CUZD1: variants seen among roughly 807,000 people sequenced by gnomAD.
CUZD1 encodes the protein CUB and zona pellucida-like domain-containing protein 1.
Under a neutral mutation model 53.1 loss-of-function variants are expected in CUZD1, and 42 were observed. The observed-to-expected ratio is 0.79, with a 90% CI of 0.62 to 1.02. The LOEUF (loss-of-function observed/expected upper bound fraction) is 1.02. Among genes scored for constraint, CUZD1 ranks in the 50% least tolerant of loss-of-function variants. The pLI, the probability that CUZD1 is intolerant of heterozygous loss-of-function variation, is 0.00. For synonymous variants in CUZD1, 238 were observed against 257.2 expected (o/e 0.93, Z 0.71); for missense variants, 670 against 715.7 (o/e 0.94, Z 0.73).
At position 122,832,379 on chromosome 10, in the gene CUZD1, T is replaced by G; in HGVS notation, c.1723A>C (p.Met575Leu). The G allele has an allele frequency of 6.2e-7, 1 of 1,614,102 alleles. No individual in the cohort carries two copies. Among genetic ancestry groups the G allele is most frequent in the Non-Finnish European group, 8.5e-7 (1 of 1,179,974 alleles). The change falls in exon 9 of 9, where the codon ATG becomes CTG. Residue 575 changes from methionine (M) to leucine (L), a missense_variant. Physicochemically the swap from Met to Leu is conservative, Grantham distance 15 (BLOSUM62 2). Coordinates refer to ENST00000392790, the MANE Select transcript of CUZD1 (RefSeq NM_022034.6). ...GTCACCACATTCAGAGCTAGAACCATGAAGGAAAACAGATGCACACTGTTG... is the reference window on the plus strand; with the variant it reads ...GTCACCACATTCAGAGCTAGAACCAGGAAGGAAAACAGATGCACACTGTTG... ...PFNSVHLFSF[M>L]VLALNVVTVA...
intron 4 of CUZD1, 79 bp from the exon 5 acceptor site, chr10:122,837,127 C>G: frequency 8.8e-7 from 1 of 1,138,800 alleles, no homozygotes; most frequent in Non-Finnish European, 1.2e-6. Flanking sequence ...CAATCCTACT[C>G]TTAAGTGATT....
intron 8 of CUZD1, 93 bp from the exon 9 acceptor site, chr10:122,832,543 A>C: frequency 2.0e-6 from 2 of 1,006,948 alleles, no homozygotes; most frequent in Non-Finnish European, 2.9e-6. Flanking sequence ...ATATCCTATG[A>C]ATCTTATATA....
At chr10:122,845,379 T>C (rs935218506) in intron 1 of CUZD1, among the ~76,000 whole-genome samples, 5 of 151,586 alleles carry the variant, frequency 3.3e-5, no homozygotes, top group South Asian at 2.1e-4. Flanking sequence ...CCAGCCATCA[T>C]TTTTTTTTAA....
At chr10:122,838,545 T>C (rs1383163313) in intron 3 of CUZD1, among the ~76,000 whole-genome samples, 1 of 152,158 alleles carries the variant, frequency 6.6e-6, no homozygotes, top group African/African-American at 2.4e-5. Context: ...GTCAGAATCA[T>C]CCGGGGGACT....
chr10:122,841,058 T>C (rs1847333414), intron 2 of CUZD1, 120 bp downstream of exon 2: 1 of 902,776 alleles, frequency 1.1e-6, no homozygotes. Flanking sequence ...ATCACGATGG[T>C]TGTCAGTGTC....
chr10:122,843,810 CATATATATATAT>C lies in CUZD1; in HGVS notation c.82+1940_82+1951del, dbSNP rs61634361. On this transcript the variant is annotated intron_variant, in intron 1 of 8. Transcript: ENST00000392790. ...CTTTCTTCATACATATATATACATA[CATATATATATAT>C]ATATATATATGTCCACACAGAAACT... Among the ~76,000 whole-genome samples the C allele has an allele frequency of 8.7e-5, 12 of 137,364 alleles. No individual in the cohort carries two copies. The South Asian group carries it at 2.8e-3, about 32-fold the overall frequency. The allele number at this position is 137,364 out of a possible 152,430, so 90.1% of individuals were successfully genotyped here.
intron 1 of CUZD1, among the ~76,000 whole-genome samples, chr10:122,845,146 A>C (rs1328142507): frequency 1.3e-5 from 2 of 149,986 alleles, no homozygotes; most frequent in African/African-American, 4.9e-5. Context: ...GCATGATCGC[A>C]GCTAACTGCA....
At position 122,841,204 on chromosome 10, in the gene CUZD1, G is replaced by C. The variant is rs1847339763; in HGVS notation, c.207C>G (p.Ser69Arg). 3.7e-6 allele frequency: 6 copies of C among 1,613,720 alleles called. No homozygotes were observed. The highest frequency in any genetic ancestry group is 5.1e-6 in the Non-Finnish European group (6 of 1,179,828). ...GGACATAGGAAAAGATAATTCTGAT[G>C]CTTTTGTTTTCTGGTCTTTCTATTG... ...TWTIERPENKSIRIIFSYVQL... is the reference protein window; with the variant it reads ...TWTIERPENKRIRIIFSYVQL... The change falls in exon 2 of 9, where the codon AGC (serine) becomes AGG (arginine). Residue 69 changes from serine (S) to arginine (R), a missense_variant. Transcript: ENST00000392790.
chr10:122,841,450 C>A, intron 1 of CUZD1, 122 bp from the exon 2 acceptor site: 1 of 931,100 alleles, frequency 1.1e-6, no homozygotes, highest in Non-Finnish European at 1.5e-6. Flanking sequence ...GTGGATGGTA[C>A]TTAGCTTTCT....
chr10:122,838,260 C>A (rs1847283582), intron 3 of CUZD1, among the ~76,000 whole-genome samples: 1 of 152,176 alleles, frequency 6.6e-6, no homozygotes, highest in Non-Finnish European at 1.5e-5. Flanking sequence ...GTGGGAAAAC[C>A]TTGACTGCTG....
In CUZD1 at chr10:122,839,045, G is replaced by A; in HGVS notation, c.420C>T (p.Val140=). The A allele has an allele frequency of 6.2e-7, 1 of 1,613,838 alleles. No homozygotes were observed. The highest frequency in any genetic ancestry group is 1.3e-5 in the African/African-American group (1 of 75,032). The change falls in exon 3 of 9, where the codon GTC becomes GTT. Residue 140 remains valine (V), a synonymous_variant. Transcript: ENST00000392790. ...DSARIQRTVF[V]FYYFFSPNIS... ...TGTTAGGAGAGAAGAAGTAGTAGAA[G>A]ACAAAGACAGTTCTTTGAATTCTTG...
intron 5 of CUZD1, 50 bp downstream of exon 5, chr10:122,836,781 T>C (rs1435040912): frequency 1.4e-6 from 2 of 1,425,858 alleles, no homozygotes; most frequent in East Asian, 2.3e-5. Flanking sequence ...TTTCTACATA[T>C]GCAATCTTCG....
At chr10:122,839,560 T>A in intron 2 of CUZD1, among the ~76,000 whole-genome samples, 1 of 152,226 alleles carries the variant, frequency 6.6e-6, no homozygotes, top group East Asian at 1.9e-4. Flanking sequence ...ATGAACCTTC[T>A]TATTTAGAAT....
chr10:122,841,304 AGACT>A lies in CUZD1; in HGVS notation c.103_106del (p.Ser35Ter), dbSNP rs1275446094. ...GGTCTCTGCCATATTGGCACCCCCT[AGACT>A]GACTGTGCAGCTTGCATTGCCTGTT... On this transcript the variant is annotated frameshift_variant, in exon 2 of 9. Coordinates refer to ENST00000392790, the MANE Select transcript of CUZD1 (RefSeq NM_022034.6). LOFTEE classifies it high-confidence loss of function. The A allele has an allele frequency of 6.2e-7, 1 of 1,611,488 alleles. No homozygotes were observed. The highest frequency in any genetic ancestry group is 1.3e-5 in the African/African-American group (1 of 74,774).
intron 1 of CUZD1, among the ~76,000 whole-genome samples, chr10:122,843,915 A>C (rs1490685841): frequency 1.4e-5 from 2 of 146,000 alleles, no homozygotes; most frequent in Non-Finnish European, 3.0e-5. Context: ...AGATATATTT[A>C]TATATATATA....
chr10:122,838,925 C>G, intron 3 of CUZD1, 92 bp downstream of exon 3: 1 of 951,742 alleles, frequency 1.1e-6, no homozygotes, highest in African/African-American at 1.6e-5. Context: ...AGGGAATATA[C>G]TCAGACTGAA....
In CUZD1 at chr10:122,843,810, C is replaced by CATATATATATATAT. The variant is rs61634361; in HGVS notation, c.82+1938_82+1951dup. On this transcript the variant is annotated intron_variant, in intron 1 of 8. Coordinates refer to ENST00000392790, the MANE Select transcript of CUZD1 (RefSeq NM_022034.6). ...CTTTCTTCATACATATATATACATA[C>CATATATATATATAT]ATATATATATATATATATATATGTC... Among the ~76,000 whole-genome samples the CATATATATATATAT allele has an allele frequency of 5.0e-3, 690 of 137,290 alleles. 8 individuals carry two copies. The highest frequency in any genetic ancestry group is 0.018 in the African/African-American group (653 of 36,198). 90.1% of individuals were successfully genotyped at this position (137,290 alleles called of 152,430 possible). A position where few individuals can be genotyped will look rare whatever the true frequency, so the allele number is the denominator to read the frequency against.
intron 3 of CUZD1, 86 bp from the exon 4 acceptor site, chr10:122,837,640 T>C: frequency 7.9e-7 from 1 of 1,260,700 alleles, no homozygotes; most frequent in Non-Finnish European, 1.1e-6. Context: ...GCTTAACACA[T>C]CTCTCCTGAG....
At chr10:122,837,074 A>G in intron 4 of CUZD1, 26 bp from the exon 5 acceptor site, 1 of 1,471,856 alleles carries the variant, frequency 6.8e-7, no homozygotes, top group Non-Finnish European at 9.4e-7. Flanking sequence ...CTCTGGTGAA[A>G]AAGAGTTTCA....
Sources: gnomAD v4.1 joint callset for allele counts (sites outside exome capture counted in the v4.1 genomes callset) on GRCh38, gnomAD v4.1.1 for gene constraint, MANE v1.5 for transcripts, NCBI Gene and HGNC (gene_info 2026-07-23, HGNC 2026-07-21) for gene names.